The following TRAF3 variants were observed in gnomAD, a reference collection of about 807,000 sequenced individuals.
The protein encoded by TRAF3 is TNF receptor-associated factor 3.
A neutral mutation model predicts 62.3 loss-of-function variants in TRAF3; 13 were observed. That is an observed-to-expected ratio of 0.21 (90% confidence interval 0.14 to 0.33). The LOEUF (loss-of-function observed/expected upper bound fraction) is 0.33, where lower values mean the gene tolerates loss of function less well. Ranked by LOEUF, TRAF3 falls within the 10% of genes least tolerant of loss-of-function variation. The pLI is 1.00. For synonymous variants in TRAF3, 269 were observed against 283.4 expected (o/e 0.95, Z 0.51); for missense variants, 440 against 741.8 (o/e 0.59, Z 4.73).
intron 1 of TRAF3, among the ~76,000 whole-genome samples, chr14:102,787,000 TCAAAA>T (rs1897537537): frequency 6.6e-6 from 1 of 152,040 alleles, no homozygotes; most frequent in South Asian, 2.1e-4. Context: ...AGATCCTGTC[TCAAAA>T]CAAGAACAAG....
intron 2 of TRAF3, among the ~76,000 whole-genome samples, chr14:102,859,741 C>G (rs758217519): frequency 2.2e-4 from 33 of 152,290 alleles, no homozygotes; most frequent in Admixed American, 1.2e-3. Context: ...CCTTTTATAT[C>G]ACACACACAA....
At position 102,909,240 on chromosome 14, in the gene TRAF3, G is replaced by A. The variant is rs1018213292; in HGVS notation, c.*3456G>A. 1 of 152,270 alleles carries A rather than the reference G, an allele frequency of 6.6e-6. No individual in the cohort carries two copies. The highest frequency in any genetic ancestry group is 2.4e-5 in the African/African-American group (1 of 41,450). The allele number at this position is 152,270 out of a possible 1,614,324, so 9.4% of individuals were successfully genotyped here. ...AGGTTGGGATTTGTGTCAATTCTAGGAGCCATCAAGCATGAATGTGGTTCT... is the reference window on the plus strand; with the variant it reads ...AGGTTGGGATTTGTGTCAATTCTAGAAGCCATCAAGCATGAATGTGGTTCT... On this transcript the variant is annotated 3_prime_UTR_variant, in exon 12 of 12. Coordinates refer to ENST00000392745, the MANE Select transcript of TRAF3 (RefSeq NM_145725.3).
At position 102,903,197 on chromosome 14, in the gene TRAF3, G is replaced by T. The variant is rs917203150; in HGVS notation, c.961-58G>T. 1 of 1,610,742 alleles carries T rather than the reference G, an allele frequency of 6.2e-7. No homozygotes were observed. The highest frequency in any genetic ancestry group is 1.3e-5 in the African/African-American group (1 of 74,970). On this transcript the variant is annotated intron_variant, in intron 10 of 11. Coordinates refer to ENST00000392745, the MANE Select transcript of TRAF3 (RefSeq NM_145725.3). The surrounding 1 kb of genome is among the most constrained non-coding windows in gnomAD (Gnocchi z 6.4). ...GCCTGTCTGTATTTGATGGAAGGTGGTGCAGCATTTTCCGAGTCCTAACTG... is the reference window on the plus strand; with the variant it reads ...GCCTGTCTGTATTTGATGGAAGGTGTTGCAGCATTTTCCGAGTCCTAACTG...
rs1334460695 is a variant in TRAF3, at chr14:102,871,375, C to T, written c.246-542C>T. ...ACACAGAACACCGTGTCTCCTAACA[C>T]AAGAGCCTGGACTACACCTCTGGGC... On this transcript the variant is annotated intron_variant, in intron 3 of 11. Transcript: ENST00000392745. Among the ~76,000 whole-genome samples, 9 of 152,224 alleles carry T rather than the reference C, an allele frequency of 5.9e-5. 1 individual carries two copies. Among genetic ancestry groups the T allele is most frequent in the Non-Finnish European group, 1.0e-4 (7 of 68,040 alleles).
intron 2 of TRAF3, among the ~76,000 whole-genome samples, chr14:102,842,424 G>C (rs1262779978): frequency 6.6e-6 from 1 of 151,902 alleles, no homozygotes; most frequent in East Asian, 1.9e-4. Context: ...AGACGTAGCA[G>C]TAGAAGCTTT....
In TRAF3 at chr14:102,903,810, G is replaced by T. The variant is rs1198061901; in HGVS notation, c.1135+381G>T. The T allele has an allele frequency of 2.1e-6, 1 of 477,168 alleles. No homozygotes were observed. The highest frequency in any genetic ancestry group is 6.3e-5 in the East Asian group (1 of 15,782). 29.6% of individuals were successfully genotyped at this position (477,168 alleles called of 1,614,324 possible). ...CCCAGACCCCACTCCTAAGGGCCAG[G>T]GGGCAGCAGTCCCACCGCGCTCTGC... is the stretch of plus-strand genomic sequence containing the variant. On this transcript the variant is annotated intron_variant, in intron 11 of 11. Transcript: ENST00000392745. The surrounding 1 kb of genome is among the most constrained non-coding windows in gnomAD (Gnocchi z 6.4).
chr14:102,777,864 C>G (rs1294602218), intron 1 of TRAF3, among the ~76,000 whole-genome samples, 189 bp downstream of exon 1: 1 of 147,954 alleles, frequency 6.8e-6, no homozygotes, highest in East Asian at 2.0e-4. Flanking sequence ...TGGCCCCGCG[C>G]CCCAGCCGGG....
chr14:102,816,278 T>G (rs1418722623), intron 1 of TRAF3, among the ~76,000 whole-genome samples: 1 of 152,016 alleles, frequency 6.6e-6, no homozygotes, highest in South Asian at 2.1e-4. Flanking sequence ...AATTTTTGTA[T>G]TTTTTGTAGA....
At position 102,903,107 on chromosome 14, in the gene TRAF3, C is replaced by T. The variant is rs1272279744; in HGVS notation, c.961-148C>T. On this transcript the variant is annotated intron_variant, in intron 10 of 11. Transcript: ENST00000392745. The surrounding 1 kb of genome is among the most constrained non-coding windows in gnomAD (Gnocchi z 6.4). ...TCCCAGGAGGCCTGATGCAGAGCCC[C>T]ACTCCTGGAGTCAGAGCCGCGGGTG... 9.4e-7 allele frequency: 1 copy of T among 1,066,422 alleles called. No individual in the cohort carries two copies. Among genetic ancestry groups the T allele is most frequent in the East Asian group, 2.5e-5 (1 of 40,172 alleles). 66.1% of individuals were successfully genotyped at this position (1,066,422 alleles called of 1,614,324 possible). A position where few individuals can be genotyped will look rare whatever the true frequency, so the allele number is the denominator to read the frequency against.
chr14:102,869,905 G>C (rs1332213011), intron 2 of TRAF3, among the ~76,000 whole-genome samples: 1 of 152,026 alleles, frequency 6.6e-6, no homozygotes, highest in East Asian at 1.9e-4. Flanking sequence ...TCAACTCCTG[G>C]GCTCAGCAAT....
At chr14:102,843,976 T>C (rs1428103759) in intron 2 of TRAF3, among the ~76,000 whole-genome samples, 1 of 152,270 alleles carries the variant, frequency 6.6e-6, no homozygotes, top group Non-Finnish European at 1.5e-5. Context: ...TCACGCTATA[T>C]ACATTTGAAA....
intron 2 of TRAF3, among the ~76,000 whole-genome samples, chr14:102,848,444 A>C (rs1394749242): frequency 6.6e-6 from 1 of 152,100 alleles, no homozygotes; most frequent in Non-Finnish European, 1.5e-5. Context: ...ACATAATAAT[A>C]ATCTTTCATA....
At chr14:102,861,191 G>T (rs1887657858) in intron 2 of TRAF3, among the ~76,000 whole-genome samples, 1 of 152,162 alleles carries the variant, frequency 6.6e-6, no homozygotes, top group Admixed American at 6.5e-5. Context: ...TCCCCTTTTG[G>T]GGAGGAAAAA....
intron 9 of TRAF3, chr14:102,895,219 T>C: frequency 4.8e-6 from 2 of 414,102 alleles, no homozygotes; most frequent in South Asian, 3.5e-5. Flanking sequence ...TTGTAGGAGT[T>C]CATGGACGTA....
intron 6 of TRAF3, 146 bp from the exon 7 acceptor site, chr14:102,886,043 A>G (rs956717417): frequency 2.9e-6 from 2 of 682,746 alleles, no homozygotes; most frequent in Non-Finnish European, 5.3e-6. Flanking sequence ...GACAATAATG[A>G]CTCAGCCATA....
intron 2 of TRAF3, among the ~76,000 whole-genome samples, chr14:102,844,166 A>G (rs1886554412): frequency 6.6e-6 from 1 of 152,278 alleles, no homozygotes; most frequent in South Asian, 2.1e-4. Context: ...TGTTACCTTA[A>G]TTGACCTATA....
chr14:102,871,851 G>A, intron 3 of TRAF3, 66 bp from the exon 4 acceptor site: 1 of 1,495,780 alleles, frequency 6.7e-7, no homozygotes, highest in Non-Finnish European at 9.3e-7. Context: ...AATGCTCCCA[G>A]AATCTCCTGA....
chr14:102,898,078 G>T (rs1289280851), intron 10 of TRAF3, among the ~76,000 whole-genome samples: 2 of 152,216 alleles, frequency 1.3e-5, no homozygotes, highest in African/African-American at 2.4e-5. Context: ...CACCGTGGAA[G>T]AATCACTCAT....
chr14:102,792,113 C>CTTTTTTTTTTT lies in TRAF3; in HGVS notation c.-157+14455_-157+14465dup, dbSNP rs35895214. On this transcript the variant is annotated intron_variant, in intron 1 of 11. Coordinates refer to ENST00000392745, the MANE Select transcript of TRAF3 (RefSeq NM_145725.3). ...ACAGGTGCGAGCCACTGTGCCTGGA[C>CTTTTTTTTTTT]TTTTTTTTTTTTTTTTTTTTTTTTT... Among the ~76,000 whole-genome samples the CTTTTTTTTTTT allele has an allele frequency of 3.3e-4, 32 of 97,702 alleles. 15 individuals are homozygous for CTTTTTTTTTTT. The highest frequency in any genetic ancestry group is 3.4e-4 in the African/African-American group (8 of 23,854). 64.1% of individuals were successfully genotyped at this position (97,702 alleles called of 152,430 possible).
Sources: gnomAD v4.1 joint callset for allele counts (sites outside exome capture counted in the v4.1 genomes callset) on GRCh38, gnomAD v4.1.1 for gene constraint, Gnocchi (gnomAD v3.1) non-coding constraint, MANE v1.5 for transcripts, NCBI Gene and HGNC (gene_info 2026-07-23, HGNC 2026-07-21) for gene names.